ITGB3BP: variants seen among roughly 807,000 people sequenced by gnomAD.
ITGB3BP encodes the protein integrin subunit beta 3 binding protein, also known as centromere protein R.
ITGB3BP carries 27 observed loss-of-function variants against 29.1 expected under a neutral mutation model. The ratio of observed to expected loss-of-function variants is 0.93; its 90% confidence interval spans 0.68 to 1.28. The LOEUF (loss-of-function observed/expected upper bound fraction) is 1.28. Ranked by LOEUF, ITGB3BP falls within the 50% of genes most tolerant of loss-of-function variation. ITGB3BP has a pLI of 0.00. For synonymous variants in ITGB3BP, 61 were observed against 61.4 expected, an observed-to-expected ratio of 0.99 and a Z score of 0.03; for missense variants, 192 against 200.2, an observed-to-expected ratio of 0.96 and a Z score of 0.25.
chr1:63,519,615 T>C (rs957547855), intron 1 of ITGB3BP, among the ~76,000 whole-genome samples: 30 of 152,232 alleles, frequency 2.0e-4, no homozygotes, highest in African/African-American at 6.3e-4. Context: ...ACTTTATTTA[T>C]AAAAGAAATT....
intron 1 of ITGB3BP, among the ~76,000 whole-genome samples, 167 bp from the exon 2 acceptor site, chr1:63,508,737 C>T (rs1646133817): frequency 2.0e-5 from 3 of 151,928 alleles, no homozygotes. Flanking sequence ...TTTATGATGA[C>T]AGGTTTGATT....
At chr1:63,466,401 T>C (rs771978041) in intron 4 of ITGB3BP, among the ~76,000 whole-genome samples, 8 of 152,180 alleles carry the variant, frequency 5.3e-5, no homozygotes, top group Non-Finnish European at 1.2e-4. Context: ...ACCCTACACA[T>C]TTCTAAAGGA....
At chr1:63,503,725 A>C (rs1645999073) in intron 2 of ITGB3BP, among the ~76,000 whole-genome samples, 1 of 152,136 alleles carries the variant, frequency 6.6e-6, no homozygotes. Context: ...TCAGCTTTCT[A>C]CGTATGGCTA....
intron 4 of ITGB3BP, among the ~76,000 whole-genome samples, chr1:63,455,409 A>T (rs886134334): frequency 4.8e-5 from 7 of 146,868 alleles, no homozygotes; most frequent in African/African-American, 1.5e-4. Flanking sequence ...CTTCTAGTTT[A>T]AAAAAAAAAA....
chr1:63,448,034 A>G (rs1367160345), intron 7 of ITGB3BP, among the ~76,000 whole-genome samples: 1 of 151,910 alleles, frequency 6.6e-6, no homozygotes, highest in Non-Finnish European at 1.5e-5. Context: ...TTGTAGGGAC[A>G]TGGACGAAAT....
intron 2 of ITGB3BP, among the ~76,000 whole-genome samples, chr1:63,502,501 CAAA>C (rs1645957208): frequency 7.9e-6 from 1 of 126,822 alleles, no homozygotes; most frequent in East Asian, 2.4e-4. Flanking sequence ...TGGCGGGAGG[CAAA>C]AGGCACTTCT....
At chr1:63,479,599 G>A (rs1036857391) in intron 3 of ITGB3BP, among the ~76,000 whole-genome samples, 3 of 151,768 alleles carry the variant, frequency 2.0e-5, no homozygotes, top group Non-Finnish European at 2.9e-5. Flanking sequence ...CCAATCACTC[G>A]GCCCTCCCGA....
intron 2 of ITGB3BP, among the ~76,000 whole-genome samples, chr1:63,500,755 CT>C (rs369228887): frequency 0.012 from 1,803 of 151,340 alleles, 39 homozygotes; most frequent in African/African-American, 0.042. Context: ...ATTCCAATGC[CT>C]TTTTTTTTCC....
chr1:63,482,079 C>T (rs1026210660), intron 3 of ITGB3BP, among the ~76,000 whole-genome samples: 22 of 151,928 alleles, frequency 1.4e-4, no homozygotes, highest in Admixed American at 3.3e-4. Context: ...TTCAGACCAG[C>T]CTGGTCAACA....
At chr1:63,460,250 G>T (rs1195217745) in intron 4 of ITGB3BP, among the ~76,000 whole-genome samples, 1 of 152,094 alleles carries the variant, frequency 6.6e-6, no homozygotes, top group African/African-American at 2.4e-5. Context: ...ATTTCCAAAA[G>T]TTTTCTATTA....
intron 4 of ITGB3BP, among the ~76,000 whole-genome samples, chr1:63,469,863 GCACTGTGACA>G (rs1645165665): frequency 6.6e-6 from 1 of 152,228 alleles, no homozygotes; most frequent in African/African-American, 2.4e-5. Context: ...AATCTCTGCA[GCACTGTGACA>G]TGTTCATGAT....
chr1:63,519,696 C>T (rs1324596949), intron 1 of ITGB3BP, among the ~76,000 whole-genome samples: 1 of 152,046 alleles, frequency 6.6e-6, no homozygotes, highest in African/African-American at 2.4e-5. Context: ...TGGCCTGACA[C>T]ATCATTCCAC....
chr1:63,472,071 T>TA (rs1553161507), intron 4 of ITGB3BP, among the ~76,000 whole-genome samples: 9 of 151,750 alleles, frequency 5.9e-5, no homozygotes, highest in East Asian at 3.9e-4. Context: ...TTTTTTTTTT[T>TA]AAATCTGAAC....
chr1:63,510,000 C>A (rs185853725), intron 1 of ITGB3BP: 318 of 460,682 alleles, frequency 6.9e-4, no homozygotes, highest in African/African-American at 5.4e-3. Context: ...CGAGACCAGC[C>A]TAACATGGTG....
At chr1:63,474,701 C>G (rs1297422620) in intron 4 of ITGB3BP, among the ~76,000 whole-genome samples, 11 of 151,370 alleles carry the variant, frequency 7.3e-5, no homozygotes, top group Non-Finnish European at 1.2e-4. Flanking sequence ...GCAGCATGCT[C>G]GTTAAGAGTC....
At chr1:63,478,467 C>T (rs1317649351) in intron 4 of ITGB3BP, among the ~76,000 whole-genome samples, 1 of 152,196 alleles carries the variant, frequency 6.6e-6, no homozygotes, top group Admixed American at 6.5e-5. Context: ...ATTACTTCTC[C>T]ATCCATGTAA....
rs554638247 is a variant in ITGB3BP at position 63,462,684 on chromosome 1, C to G, written c.255-7716G>C. Among the ~76,000 whole-genome samples the G allele has an allele frequency of 1.7e-3, 264 of 152,338 alleles. 1 individual carries two copies. Among genetic ancestry groups the G allele is most frequent in the Non-Finnish European group, 3.2e-3 (221 of 68,042 alleles). ...CCTAATATGGAATATAGGCTTATAT[C>G]TTCATCCTAAGATTCTGATAAACAT... On this transcript the variant is annotated intron_variant, in intron 4 of 8. Transcript: ENST00000271002.
intron 4 of ITGB3BP, among the ~76,000 whole-genome samples, chr1:63,473,587 GC>G (rs1645258204): frequency 7.4e-6 from 1 of 135,168 alleles, no homozygotes; most frequent in Admixed American, 7.0e-5. Context: ...TCAGCCCCCT[GC>G]CCGGCCAGCC....
rs1645139564 is a variant in ITGB3BP at position 63,468,571 on chromosome 1, C to T, written c.254+10193G>A. Among the ~76,000 whole-genome samples the T allele has an allele frequency of 2.6e-5, 4 of 151,550 alleles. No homozygotes were observed. The South Asian group carries it at 8.4e-4, about 32-fold the overall frequency. ...TGAAAGCCCGTCTCTACTAAAAATA[C>T]AAAAAATTGGCCAGGCGTGGTGGCT... On this transcript the variant is annotated intron_variant, in intron 4 of 8. Coordinates refer to ENST00000271002, the MANE Select transcript of ITGB3BP (RefSeq NM_014288.5).
Sources: allele counts gnomAD v4.1 joint callset (sites outside exome capture counted in the v4.1 genomes callset), GRCh38; gene constraint gnomAD v4.1.1; transcripts MANE v1.5; gene names NCBI Gene and HGNC (gene_info 2026-07-23, HGNC 2026-07-21).